Variants in CLASP1 observed in about 807,000 individuals in gnomAD.
CLASP1 encodes the protein CLIP-associating protein 1.
CLASP1 carries 38 observed loss-of-function variants against 192.3 expected under a neutral mutation model. The ratio of observed to expected loss-of-function variants is 0.20; its 90% confidence interval spans 0.15 to 0.26. The LOEUF (loss-of-function observed/expected upper bound fraction) is 0.26. Among genes scored for constraint, CLASP1 ranks in the 10% least tolerant of loss-of-function variants. The pLI, the probability that CLASP1 is intolerant of heterozygous loss-of-function variation, is 1.00. For missense variants in CLASP1, 1,433 were observed against 1,932.5 expected, an observed-to-expected ratio of 0.74 and a Z score of 4.85; for synonymous variants, 691 against 712.8, an observed-to-expected ratio of 0.97 and a Z score of 0.49.
chr2:121,573,776 T>C (rs1483619109), intron 2 of CLASP1, among the ~76,000 whole-genome samples: 1 of 152,200 alleles, frequency 6.6e-6, no homozygotes, highest in Non-Finnish European at 1.5e-5. Context: ...TCTCTATATT[T>C]TTCCTTATAA....
chr2:121,618,302 TG>T (rs143335324), intron 1 of CLASP1, among the ~76,000 whole-genome samples: 1,761 of 152,346 alleles, frequency 0.012, 20 homozygotes, highest in African/African-American at 0.04. Context: ...AAACAGTCAC[TG>T]GCAGTCATAA....
chr2:121,443,596 G>A (rs370505263), intron 19 of CLASP1, among the ~76,000 whole-genome samples: 1 of 152,134 alleles, frequency 6.6e-6, no homozygotes, highest in Non-Finnish European at 1.5e-5. Flanking sequence ...CAGACATGAC[G>A]TCCTCATCAG....
chr2:121,506,811 A>G (rs1251016928), intron 7 of CLASP1, among the ~76,000 whole-genome samples: 1 of 152,230 alleles, frequency 6.6e-6, no homozygotes, highest in Non-Finnish European at 1.5e-5. Flanking sequence ...TCTCTGTTCA[A>G]TCATTAGCTC....
chr2:121,606,202 C>T lies in CLASP1; in HGVS notation c.-285-22G>A, dbSNP rs765173072. ...CATTCTGAAAAGTAAGAGAAGAGAA[C>T]GACAAATTAGCACAGATAACATAAC... On this transcript the variant is annotated intron_variant, in intron 1 of 39. Coordinates refer to ENST00000263710, the Ensembl canonical transcript of CLASP1. The T allele has an allele frequency of 1.1e-3, 488 of 446,714 alleles. 1 individual carries two copies. The highest frequency in any genetic ancestry group is 8.4e-3 in the Middle Eastern group (15 of 1,784). The allele number at this position is 446,714 out of a possible 1,614,324, so 27.7% of individuals were successfully genotyped here.
intron 7 of CLASP1, among the ~76,000 whole-genome samples, chr2:121,507,643 A>G (rs958323726): frequency 1.3e-5 from 2 of 152,248 alleles, no homozygotes; most frequent in East Asian, 1.9e-4. Context: ...AAACTTCACA[A>G]ATTTGATATA....
At chr2:121,600,325 T>C (rs560169781) in intron 2 of CLASP1, among the ~76,000 whole-genome samples, 5 of 152,296 alleles carry the variant, frequency 3.3e-5, no homozygotes, top group African/African-American at 1.2e-4. Flanking sequence ...TTAAGTAATA[T>C]AAAATATTAG....
chr2:121,409,275 T>C lies in CLASP1; in HGVS notation c.2425-1560A>G, dbSNP rs201055133. On this transcript the variant is annotated intron_variant, in intron 24 of 39. Transcript: ENST00000263710. ...CTCAGAAGACCTTCTGGTAACTTGC[T>C]GTAATTCTTTGCTAAAACTTTTCCC... 5.3e-5 allele frequency among the ~76,000 whole-genome samples: 8 copies of C among 152,374 alleles called. No individual in the cohort carries two copies. The East Asian group carries it at 1.2e-3, about 22-fold the overall frequency.
chr2:121,421,490 C>T (rs576971812), intron 22 of CLASP1, among the ~76,000 whole-genome samples: 156 of 152,246 alleles, frequency 1.0e-3, no homozygotes, highest in Non-Finnish European at 1.6e-3. Context: ...TCAGGCAATC[C>T]ACCCGCCTTA....
intron 1 of CLASP1, among the ~76,000 whole-genome samples, chr2:121,644,966 C>CAA (rs74265895): frequency 2.6e-3 from 288 of 112,684 alleles, no homozygotes; most frequent in African/African-American, 6.8e-3. Context: ...AAAAAAAAAA[C>CAA]AAAAAAAAAA....
intron 1 of CLASP1, among the ~76,000 whole-genome samples, chr2:121,628,117 T>C (rs1042939550): frequency 1.3e-5 from 2 of 152,188 alleles, no homozygotes; most frequent in Admixed American, 6.5e-5. Flanking sequence ...CTGCTTTTAC[T>C]AAAATGAAAT....
intron 19 of CLASP1, among the ~76,000 whole-genome samples, chr2:121,437,797 C>A (rs370402701): frequency 6.6e-6 from 1 of 152,176 alleles, no homozygotes; most frequent in African/African-American, 2.4e-5. Flanking sequence ...CCCAAGGACC[C>A]CAGGGTTTAG....
intron 22 of CLASP1, among the ~76,000 whole-genome samples, chr2:121,421,420 T>C (rs906344663): frequency 1.3e-5 from 2 of 151,904 alleles, no homozygotes; most frequent in Non-Finnish European, 2.9e-5. Context: ...GCTAATTTTT[T>C]GTAGTTTAGT....
intron 5 of CLASP1, 163 bp from the exon 6 acceptor site, chr2:121,526,083 C>T (rs998597249): frequency 9.6e-6 from 6 of 622,526 alleles, no homozygotes; most frequent in African/African-American, 7.3e-5. Flanking sequence ...TAAATGTGTC[C>T]GATGGCCCCT....
chr2:121,626,598 T>C (rs1314651818), intron 1 of CLASP1, among the ~76,000 whole-genome samples: 4 of 152,166 alleles, frequency 2.6e-5, no homozygotes, highest in Non-Finnish European at 5.9e-5. Context: ...TTTGTTTTGT[T>C]TTGTTTTAGA....
chr2:121,375,050 C>T (rs2069701075), intron 34 of CLASP1, among the ~76,000 whole-genome samples: 1 of 152,074 alleles, frequency 6.6e-6, no homozygotes, highest in Non-Finnish European at 1.5e-5. Flanking sequence ...CTCTGTGTCC[C>T]CACCCAAATC....
chr2:121,616,943 G>A (rs1025322369), intron 1 of CLASP1, among the ~76,000 whole-genome samples: 1 of 152,220 alleles, frequency 6.6e-6, no homozygotes, highest in South Asian at 2.1e-4. Flanking sequence ...GACAAACACA[G>A]TCAAAATAGT....
intron 35 of CLASP1, among the ~76,000 whole-genome samples, chr2:121,365,599 C>T (rs762712727): frequency 2.4e-4 from 37 of 152,158 alleles, no homozygotes; most frequent in Admixed American, 1.2e-3. Flanking sequence ...TGCCTGTATC[C>T]GCCAAAGCCC....
At chr2:121,508,203 G>A (rs1338772183) in intron 7 of CLASP1, among the ~76,000 whole-genome samples, 3 of 152,028 alleles carry the variant, frequency 2.0e-5, no homozygotes, top group Non-Finnish European at 4.4e-5. Context: ...GGCTTATAAT[G>A]TATAAAGATG....
chr2:121,459,840 G>T, intron 12 of CLASP1, 140 bp downstream of exon 12: 1 of 630,482 alleles, frequency 1.6e-6, no homozygotes, highest in Non-Finnish European at 2.4e-6. Flanking sequence ...ACTACTGAAA[G>T]AAGTGTTAAC....
Sources: allele counts gnomAD v4.1 joint callset (sites outside exome capture counted in the v4.1 genomes callset), GRCh38; gene constraint gnomAD v4.1.1; transcripts MANE v1.5; gene names NCBI Gene and HGNC (gene_info 2026-07-23, HGNC 2026-07-21).